The following ZDHHC13 variants were observed in gnomAD, a reference collection of about 807,000 sequenced individuals.
The protein encoded by ZDHHC13 is zDHHC palmitoyltransferase 13.
A neutral mutation model predicts 86.0 loss-of-function variants in ZDHHC13; 85 were observed. The observed-to-expected ratio is 0.99, with a 90% CI of 0.83 to 1.18. ZDHHC13 has a LOEUF of 1.18. ZDHHC13 is among the 50% of genes most tolerant of loss of function. ZDHHC13 has a pLI of 0.00. For missense variants in ZDHHC13, 711 were observed against 730.2 expected, an observed-to-expected ratio of 0.97 and a Z score of 0.30; for synonymous variants, 263 against 246.4, an observed-to-expected ratio of 1.07 and a Z score of -0.63.
In ZDHHC13 at chr11:19,176,024, A is replaced by G; in HGVS notation, c.*64A>G. ...GTTTATGTCGATGCCCTGTAGTTTGAAAGTGAAGTAAAGATTTAGAATTCA... is the reference window on the plus strand; with the variant it reads ...GTTTATGTCGATGCCCTGTAGTTTGGAAGTGAAGTAAAGATTTAGAATTCA... On this transcript the variant is annotated 3_prime_UTR_variant, in exon 17 of 17. Transcript: ENST00000446113. 5 of 1,503,988 alleles carry G rather than the reference A, an allele frequency of 3.3e-6. No homozygotes were observed. The highest frequency in any genetic ancestry group is 4.4e-6 in the Non-Finnish European group (5 of 1,125,388). 93.2% of individuals were successfully genotyped at this position (1,503,988 alleles called of 1,614,324 possible).
chr11:19,167,767 A>G (rs1213204230), intron 14 of ZDHHC13: 1 of 151,946 alleles, frequency 6.6e-6, no homozygotes, highest in Non-Finnish European at 1.5e-5. Flanking sequence ...TGAGCATTCT[A>G]TTTTTATTTT....
chr11:19,166,115 A>G (rs1850058137), intron 13 of ZDHHC13, among the ~76,000 whole-genome samples, 187 bp from the exon 14 acceptor site: 1 of 152,224 alleles, frequency 6.6e-6, no homozygotes, highest in Admixed American at 6.5e-5. Flanking sequence ...TTCAGTTAAC[A>G]TGGACAATTG....
chr11:19,127,774 G>T (rs1038142023), intron 1 of ZDHHC13, among the ~76,000 whole-genome samples: 8 of 152,136 alleles, frequency 5.3e-5, no homozygotes, highest in Admixed American at 3.9e-4. Context: ...GTGCAGCCTT[G>T]TTTCTGGGCT....
intron 2 of ZDHHC13, 49 bp downstream of exon 2, chr11:19,143,172 T>C: frequency 6.4e-7 from 1 of 1,563,216 alleles, no homozygotes; most frequent in Non-Finnish European, 8.7e-7. Context: ...CTAGAATTAA[T>C]AGTAATATAT....
Position 19,117,321 on chromosome 11 carries a change from G to T in ZDHHC13, c.27+45G>T. The T allele has an allele frequency of 7.0e-7, 1 of 1,436,496 alleles. No individual in the cohort carries two copies. Among genetic ancestry groups the T allele is most frequent in the East Asian group, 2.8e-5 (1 of 35,734 alleles). The allele number at this position is 1,436,496 out of a possible 1,614,324, so 89.0% of individuals were successfully genotyped here. A position where few individuals can be genotyped will look rare whatever the true frequency, so the allele number is the denominator to read the frequency against. On this transcript the variant is annotated intron_variant, in intron 1 of 16. Coordinates refer to ENST00000446113, the MANE Select transcript of ZDHHC13 (RefSeq NM_019028.3). The surrounding 1 kb of genome is among the most constrained non-coding windows in gnomAD (Gnocchi z 4.2). ...GGCTGTCCTGGGGGCCGGGAGAGCG[G>T]CTGCAGCTGTGGAGGAAAGGATGGT...
chr11:19,175,412 A>AAAAAC (rs1850336382), intron 16 of ZDHHC13, among the ~76,000 whole-genome samples: 1 of 148,586 alleles, frequency 6.7e-6, no homozygotes, highest in African/African-American at 2.5e-5. Flanking sequence ...AAAAAAAAAA[A>AAAAAC]AAAAAGGTTT....
intron 1 of ZDHHC13, among the ~76,000 whole-genome samples, chr11:19,120,721 T>C (rs77881570): frequency 0.043 from 6,602 of 152,322 alleles, 255 homozygotes; most frequent in East Asian, 0.21. Context: ...AGCTACATAT[T>C]TCTTTCTTGG....
intron 14 of ZDHHC13, chr11:19,168,149 A>G (rs1198366507): frequency 6.6e-6 from 1 of 152,222 alleles, no homozygotes; most frequent in Non-Finnish European, 1.5e-5. Context: ...GTAAAAAGTA[A>G]AAGAGTTTTT....
chr11:19,175,044 A>G (rs1850321221), intron 16 of ZDHHC13, among the ~76,000 whole-genome samples: 1 of 152,154 alleles, frequency 6.6e-6, no homozygotes, highest in Admixed American at 6.5e-5. Flanking sequence ...GCAATATGCA[A>G]GATGAATTAA....
chr11:19,168,702 C>T (rs901500022), intron 14 of ZDHHC13: 2 of 647,432 alleles, frequency 3.1e-6, no homozygotes, highest in Non-Finnish European at 3.8e-6. Context: ...GCCTCACTGT[C>T]ATCCCACCTC....
chr11:19,133,386 T>C (rs1006650501), intron 1 of ZDHHC13, among the ~76,000 whole-genome samples: 40 of 149,602 alleles, frequency 2.7e-4, no homozygotes, highest in South Asian at 1.1e-3. Flanking sequence ...CACATATATA[T>C]ACACACACAC....
intron 15 of ZDHHC13, among the ~76,000 whole-genome samples, chr11:19,171,817 C>A (rs182258043): frequency 2.0e-3 from 306 of 152,086 alleles, no homozygotes; most frequent in African/African-American, 7.2e-3. Context: ...AGGAAGAATT[C>A]AGAACAAAGC....
intron 5 of ZDHHC13, 74 bp from the exon 6 acceptor site, chr11:19,150,653 G>A: frequency 7.9e-7 from 1 of 1,261,720 alleles, no homozygotes; most frequent in Non-Finnish European, 1.1e-6. Flanking sequence ...GTATTAAAGA[G>A]ATATTTCTAT....
chr11:19,138,350 A>G (rs1241231833), intron 1 of ZDHHC13, among the ~76,000 whole-genome samples: 2 of 151,884 alleles, frequency 1.3e-5, no homozygotes, highest in Non-Finnish European at 1.5e-5. Context: ...ACACTCTCCC[A>G]AGACTAAACC....
Position 19,175,905 on chromosome 11 carries a change from C to A in ZDHHC13, c.1814C>A (p.Ser605Ter). 6.2e-7 allele frequency: 1 copy of A among 1,613,306 alleles called. No individual in the cohort carries two copies. Among genetic ancestry groups the A allele is most frequent in the Non-Finnish European group, 8.5e-7 (1 of 1,179,682 alleles). ...LVKPCVVDWT[S>*]QYTMVFHPAR... is the part of the protein sequence containing the mutation. ...AAGCCCTGTGTGGTAGATTGGACAT[C>A]ACAGTACACCATGGTCTTTCACCCA... The change falls in exon 17 of 17, where the codon TCA (serine) becomes TAA (stop). Residue 605 changes from serine to a stop codon, truncating the protein, a stop_gained. Transcript: ENST00000446113. LOFTEE classifies it high-confidence loss of function.
Position 19,117,230 on chromosome 11 carries a change from C to T in ZDHHC13, c.-20C>T, listed in dbSNP as rs1350698442. 4 of 1,527,208 alleles carry T rather than the reference C, an allele frequency of 2.6e-6. No individual in the cohort carries two copies. The highest frequency in any genetic ancestry group is 2.5e-5 in the East Asian group (1 of 39,784). 94.6% of individuals were successfully genotyped at this position (1,527,208 alleles called of 1,614,324 possible). A position where few individuals can be genotyped will look rare whatever the true frequency, so the allele number is the denominator to read the frequency against. On this transcript the variant is annotated 5_prime_UTR_variant, in exon 1 of 17. Coordinates refer to ENST00000446113, the MANE Select transcript of ZDHHC13 (RefSeq NM_019028.3). The surrounding 1 kb of genome is among the most constrained non-coding windows in gnomAD (Gnocchi z 4.2). ...TCGCTACTTGCCTAGTAGCCTCAGC[C>T]GCTGTGGGCTCCTGGGGAGATGGAG...
At position 19,140,613 on chromosome 11, in the gene ZDHHC13, A is replaced by C. The variant is rs944016994; in HGVS notation, c.28-2365A>C. Among the ~76,000 whole-genome samples, 10 of 152,238 alleles carry C rather than the reference A, an allele frequency of 6.6e-5. No individual in the cohort carries two copies. In the South Asian group the frequency reaches 2.1e-3, roughly 32 times the overall value. On this transcript the variant is annotated intron_variant, in intron 1 of 16. Coordinates refer to ENST00000446113, the MANE Select transcript of ZDHHC13 (RefSeq NM_019028.3). ...ATCATGCTGCTATAAAGACACATGCACACGTATGTTTATTGCGGCATTATT... is the reference window on the plus strand; with the variant it reads ...ATCATGCTGCTATAAAGACACATGCCCACGTATGTTTATTGCGGCATTATT...
intron 1 of ZDHHC13, among the ~76,000 whole-genome samples, chr11:19,138,213 A>T (rs1185532652): frequency 7.5e-6 from 1 of 132,724 alleles, no homozygotes; most frequent in African/African-American, 2.8e-5. Context: ...AGATGCAATA[A>T]AAAATGATAA....
intron 9 of ZDHHC13, among the ~76,000 whole-genome samples, chr11:19,158,268 A>G (rs1296587169): frequency 6.6e-6 from 1 of 152,180 alleles, no homozygotes; most frequent in Non-Finnish European, 1.5e-5. Flanking sequence ...ATATTCATGC[A>G]TAAGATGACT....
Sources: allele counts gnomAD v4.1 joint callset (sites outside exome capture counted in the v4.1 genomes callset), GRCh38; gene constraint gnomAD v4.1.1; non-coding constraint Gnocchi (gnomAD v3.1); transcripts MANE v1.5; gene names NCBI Gene and HGNC (gene_info 2026-07-23, HGNC 2026-07-21).